Variants in FKBP5 observed in about 807,000 individuals in gnomAD.
FKBP5 encodes the protein FKBP prolyl isomerase 5, also known as peptidyl-prolyl cis-trans isomerase FKBP5.
In FKBP5, 23 loss-of-function variants were observed where a neutral mutation model predicts 50.5. The ratio of observed to expected loss-of-function variants is 0.46; its 90% confidence interval spans 0.33 to 0.65. The LOEUF (loss-of-function observed/expected upper bound fraction) is 0.65. FKBP5 is among the 30% of genes least tolerant of loss of function. FKBP5 has a pLI of 0.02. For missense variants in FKBP5, 411 were observed against 553.1 expected (o/e 0.74, Z 2.58); for synonymous variants, 176 against 190.6 (o/e 0.92, Z 0.63).
chr6:35,581,380 T>A, intron 8 of FKBP5: 1 of 215,050 alleles, frequency 4.7e-6, no homozygotes, highest in Non-Finnish European at 7.9e-6. Context: ...CCGAGACAGG[T>A]GGATCACCTG....
rs879410706 is a variant in FKBP5 at position 35,585,970 on chromosome 6, G to C, written c.840+1064C>G. ...CTGACAAGGTTGTAACTTAATAATA[G>C]CATGTCTTATAGCAGATGCCCCATA... On this transcript the variant is annotated intron_variant, in intron 8 of 10. Coordinates refer to ENST00000357266, the MANE Select transcript of FKBP5 (RefSeq NM_004117.4). The C allele has an allele frequency of 8.1e-6, 8 of 984,328 alleles. No homozygotes were observed. In the Admixed American group the frequency reaches 4.9e-4, roughly 61 times the overall value. The allele number at this position is 984,328 out of a possible 1,614,324, so 61.0% of individuals were successfully genotyped here.
At chr6:35,671,035 G>A (rs918369436) in intron 1 of FKBP5, among the ~76,000 whole-genome samples, 2 of 152,028 alleles carry the variant, frequency 1.3e-5, no homozygotes, top group Non-Finnish European at 1.5e-5. Context: ...AAAGTGAGAC[G>A]ATCCCTTGAA....
At chr6:35,653,518 T>C (rs1268670238) in intron 1 of FKBP5, among the ~76,000 whole-genome samples, 1 of 152,114 alleles carries the variant, frequency 6.6e-6, no homozygotes, top group Non-Finnish European at 1.5e-5. Flanking sequence ...ATATCTGGAG[T>C]TAAAGGTACT....
intron 5 of FKBP5, among the ~76,000 whole-genome samples, chr6:35,597,897 A>T (rs943173430): frequency 6.6e-6 from 1 of 152,244 alleles, no homozygotes; most frequent in African/African-American, 2.4e-5. Context: ...CTTCTTTAAG[A>T]GTCCTAATCT....
At chr6:35,625,819 G>A (rs1280916764) in intron 3 of FKBP5, among the ~76,000 whole-genome samples, 6 of 148,382 alleles carry the variant, frequency 4.0e-5, no homozygotes, top group African/African-American at 9.9e-5. Flanking sequence ...TCGCTCTGTC[G>A]CCCAGGCTGG....
At chr6:35,672,909 A>C (rs929962358) in intron 1 of FKBP5, among the ~76,000 whole-genome samples, 5 of 151,812 alleles carry the variant, frequency 3.3e-5, no homozygotes, top group Admixed American at 6.6e-5. Flanking sequence ...CAGCCTGGGC[A>C]ACAGAGAGAG....
chr6:35,708,177 C>G (rs1766355968), intron 2 of FKBP5, among the ~76,000 whole-genome samples: 1 of 152,164 alleles, frequency 6.6e-6, no homozygotes, highest in Non-Finnish European at 1.5e-5. Context: ...AGATCTAGTT[C>G]CTTACAGCAT....
Sources: gnomAD v4.1 joint callset for allele counts (sites outside exome capture counted in the v4.1 genomes callset) on GRCh38, gnomAD v4.1.1 for gene constraint, MANE v1.5 for transcripts, NCBI Gene and HGNC (gene_info 2026-07-23, HGNC 2026-07-21) for gene names.